Variants in HERC6 observed in about 807,000 individuals in gnomAD.
HERC6 encodes probable E3 ubiquitin-protein ligase HERC6.
A neutral mutation model predicts 114.5 loss-of-function variants in HERC6; 101 were observed. The observed-to-expected ratio is 0.88, with a 90% CI of 0.75 to 1.04. The LOEUF is 1.04. Ranked by LOEUF, HERC6 falls within the 50% of genes least tolerant of loss-of-function variation. The pLI is 0.00. For missense variants in HERC6, 1,133 were observed against 1,230.9 expected (o/e 0.92, Z 1.19); for synonymous variants, 408 against 436.2 (o/e 0.94, Z 0.81).
At chr4:88,414,649 T>G (rs1390718053) in intron 12 of HERC6, among the ~76,000 whole-genome samples, 1 of 152,190 alleles carries the variant, frequency 6.6e-6, no homozygotes, top group African/African-American at 2.4e-5. Context: ...CTCCCCTTTT[T>G]AGATCATATA....
Position 88,439,926 on chromosome 4 carries a change from G to C in HERC6, c.2608G>C (p.Ala870Pro). ...TTACATTTTCAACGTCTCTGTAAAAGCAGTTTATGAGGAATTTCAGAGAGG... is the reference window on the plus strand; with the variant it reads ...TTACATTTTCAACGTCTCTGTAAAACCAGTTTATGAGGAATTTCAGAGAGG... ...IDYIFNVSVK[A>P]VYEEFQRGFY... Residue 870 changes from alanine (A) to proline (P), a missense_variant, in exon 21 of 23, where the codon GCA becomes CCA. By Grantham distance (27) the Ala-to-Pro change is conservative. Around this residue, in one of 3 missense-constraint regions of HERC6, gnomAD observed 388 missense variants for 445.9 expected, o/e 0.87. Coordinates refer to ENST00000264346, the MANE Select transcript of HERC6 (RefSeq NM_017912.4). The C allele has an allele frequency of 6.3e-7, 1 of 1,594,912 alleles. No homozygotes were observed. The highest frequency in any genetic ancestry group is 8.5e-7 in the Non-Finnish European group (1 of 1,172,088).
At chr4:88,406,068 C>G (rs1578387500) in intron 10 of HERC6, among the ~76,000 whole-genome samples, 1 of 152,290 alleles carries the variant, frequency 6.6e-6, no homozygotes, top group East Asian at 1.9e-4. Context: ...TGGTCTGATC[C>G]AATAGTTGAA....
At chr4:88,415,257 T>C (rs187083774) in intron 12 of HERC6, among the ~76,000 whole-genome samples, 6 of 152,312 alleles carry the variant, frequency 3.9e-5, no homozygotes, top group African/African-American at 1.4e-4. Flanking sequence ...ATCATTCCAA[T>C]AGAGAATCTA....
intron 3 of HERC6, among the ~76,000 whole-genome samples, chr4:88,387,967 C>A (rs1339523569): frequency 1.3e-5 from 2 of 152,168 alleles, no homozygotes; most frequent in Non-Finnish European, 2.9e-5. Flanking sequence ...TTCTCATAGA[C>A]CTTCGTGAGA....
At chr4:88,384,681 A>AT (rs1198134434) in intron 2 of HERC6, among the ~76,000 whole-genome samples, 1 of 152,182 alleles carries the variant, frequency 6.6e-6, no homozygotes, top group Non-Finnish European at 1.5e-5. Flanking sequence ...CTACAGCATC[A>AT]TAACTATTTG....
In HERC6 at chr4:88,413,103, G is replaced by C; in HGVS notation, c.1395G>C (p.Leu465=). 6.2e-7 allele frequency: 1 copy of C among 1,612,380 alleles called. No homozygotes were observed. Among genetic ancestry groups the C allele is most frequent in the Non-Finnish European group, 8.5e-7 (1 of 1,179,160 alleles). ...TAACTACGTGTCTCGAGGATGATCTGCTCAGAGCTCTTCCATGCCATTCTC... is the reference window on the plus strand; with the variant it reads ...TAACTACGTGTCTCGAGGATGATCTCCTCAGAGCTCTTCCATGCCATTCTC... The part of the protein sequence containing the change: ...SMITTCLEDD[L]LRALPCHSPH... Residue 465 remains leucine (L), a synonymous_variant, in exon 12 of 23, where the codon CTG becomes CTC. Coordinates refer to ENST00000264346, the MANE Select transcript of HERC6 (RefSeq NM_017912.4).
At position 88,398,153 on chromosome 4, in the gene HERC6, G is replaced by A; in HGVS notation, c.1036G>A (p.Val346Ile). The A allele has an allele frequency of 6.3e-7, 1 of 1,593,172 alleles. No individual in the cohort carries two copies. The highest frequency in any genetic ancestry group is 1.7e-4 in the Middle Eastern group (1 of 6,030). Residue 346 changes from valine to isoleucine, a missense_variant, in exon 8 of 23, where the codon GTT becomes ATT. This residue lies in a region of HERC6 where 735 missense variants were observed against 754.0 expected (regional missense o/e 0.97). Coordinates refer to ENST00000264346, the MANE Select transcript of HERC6 (RefSeq NM_017912.4). ...CLISAEDFVD[V>I]QVKHIFAGTY... ...TGACTTTCTTTTAGACTTCGTGGAT[G>A]TTCAAGTCAAACACATTTTTGCTGG...
chr4:88,398,087 C>A, intron 7 of HERC6, 55 bp from the exon 8 acceptor site: 4 of 1,215,546 alleles, frequency 3.3e-6, no homozygotes, highest in South Asian at 1.5e-5. Flanking sequence ...GATAATACAT[C>A]AGATTTATTT....
intron 8 of HERC6, among the ~76,000 whole-genome samples, chr4:88,399,954 G>A (rs1396843539): frequency 2.0e-5 from 3 of 152,138 alleles, no homozygotes; most frequent in Admixed American, 2.0e-4. Context: ...TCAGAGCAGA[G>A]GGAACTGCAC....
intron 17 of HERC6, among the ~76,000 whole-genome samples, chr4:88,435,353 C>G (rs541275150): frequency 3.9e-5 from 6 of 152,054 alleles, no homozygotes; most frequent in African/African-American, 1.4e-4. Flanking sequence ...GCCTGGTGAC[C>G]AATAAATGTA....
intron 8 of HERC6, chr4:88,399,842 G>A (rs1265965634): frequency 2.0e-5 from 3 of 152,186 alleles, no homozygotes; most frequent in South Asian, 2.1e-4. Context: ...TTTGAGATTG[G>A]TGAGGTGGCC....
intron 3 of HERC6, among the ~76,000 whole-genome samples, chr4:88,386,066 T>C (rs1734558991): frequency 6.6e-6 from 1 of 152,154 alleles, no homozygotes; most frequent in Non-Finnish European, 1.5e-5. Flanking sequence ...CAATCCAAAT[T>C]TCTCAATGGA....
At chr4:88,429,851 G>A (rs1738005561) in intron 16 of HERC6, among the ~76,000 whole-genome samples, 1 of 152,172 alleles carries the variant, frequency 6.6e-6, no homozygotes, top group African/African-American at 2.4e-5. Context: ...CAGTAGAAAA[G>A]TATTCCCCTT....
intron 1 of HERC6, among the ~76,000 whole-genome samples, chr4:88,382,969 A>T (rs1023669762): frequency 1.3e-5 from 2 of 152,162 alleles, no homozygotes; most frequent in Non-Finnish European, 2.9e-5. Flanking sequence ...AAGGTGCTGG[A>T]GCCATCTCAA....
At chr4:88,401,364 G>A (rs139890241) in intron 8 of HERC6, among the ~76,000 whole-genome samples, 8 of 151,870 alleles carry the variant, frequency 5.3e-5, no homozygotes, top group African/African-American at 1.2e-4. Flanking sequence ...GTGGTGGAGG[G>A]CACCTGTAAT....
chr4:88,390,249 G>C (rs62310038), intron 3 of HERC6, among the ~76,000 whole-genome samples: 14,025 of 151,106 alleles, frequency 0.093, 770 homozygotes, highest in East Asian at 0.21. Flanking sequence ...AGTTGCCAGG[G>C]GCTGGGGGTT....
At chr4:88,386,202 T>C (rs1734570948) in intron 3 of HERC6, among the ~76,000 whole-genome samples, 1 of 150,028 alleles carries the variant, frequency 6.7e-6, no homozygotes, top group African/African-American at 2.4e-5. Context: ...TTCTTTTCTT[T>C]TTTTTTTTTT....
intron 13 of HERC6, among the ~76,000 whole-genome samples, chr4:88,423,186 G>A (rs1444441902): frequency 1.3e-5 from 2 of 150,980 alleles, no homozygotes; most frequent in Admixed American, 6.6e-5. Flanking sequence ...ATGTTCTTAA[G>A]TTTCTTATTT....
intron 20 of HERC6, among the ~76,000 whole-genome samples, chr4:88,439,618 T>A (rs902136734): frequency 2.0e-5 from 3 of 152,128 alleles, no homozygotes; most frequent in African/African-American, 7.2e-5. Context: ...CATATTCAGA[T>A]TCATGTTTTA....
Sources: gnomAD v4.1 joint callset for allele counts (sites outside exome capture counted in the v4.1 genomes callset) on GRCh38, gnomAD v4.1.1 for gene constraint, gnomAD v4.1.1 regional missense constraint, MANE v1.5 for transcripts, NCBI Gene and HGNC (gene_info 2026-07-23, HGNC 2026-07-21) for gene names.